The following DGKG variants were observed in gnomAD, a reference collection of about 807,000 sequenced individuals.
DGKG encodes the protein diacylglycerol kinase gamma.
Under a neutral mutation model 105.3 loss-of-function variants are expected in DGKG, and 78 were observed. The observed-to-expected ratio is 0.74, with a 90% CI of 0.62 to 0.89. DGKG has a LOEUF of 0.89. Ranked by LOEUF, DGKG falls within the 40% of genes least tolerant of loss-of-function variation. The pLI is 0.00. For synonymous variants in DGKG, 346 were observed against 367.1 expected, an observed-to-expected ratio of 0.94 and a Z score of 0.66; for missense variants, 958 against 1,020.1, an observed-to-expected ratio of 0.94 and a Z score of 0.83.
At chr3:186,328,556 T>C (rs1260882033) in intron 1 of DGKG, among the ~76,000 whole-genome samples, 2 of 150,586 alleles carry the variant, frequency 1.3e-5, no homozygotes, top group Non-Finnish European at 2.9e-5. Flanking sequence ...GAATTCACAG[T>C]GGAAAAGGCT....
chr3:186,300,765 T>C (rs1179919953), intron 3 of DGKG, among the ~76,000 whole-genome samples: 1 of 152,188 alleles, frequency 6.6e-6, no homozygotes, highest in African/African-American at 2.4e-5. Context: ...GAAAGTTTAG[T>C]TAAACAGTCT....
intron 20 of DGKG, among the ~76,000 whole-genome samples, chr3:186,212,974 A>G (rs1262214811): frequency 1.3e-5 from 2 of 152,146 alleles, no homozygotes; most frequent in Non-Finnish European, 2.9e-5. Flanking sequence ...TTTTTTCCTC[A>G]TGTTCCTTAG....
At chr3:186,356,165 T>G (rs1259158142) in intron 1 of DGKG, among the ~76,000 whole-genome samples, 1 of 152,212 alleles carries the variant, frequency 6.6e-6, no homozygotes, top group Admixed American at 6.5e-5. Flanking sequence ...ATTATTGAAT[T>G]AATATCTATG....
intron 21 of DGKG, among the ~76,000 whole-genome samples, chr3:186,189,408 C>T (rs983266545): frequency 6.6e-6 from 1 of 152,174 alleles, no homozygotes; most frequent in Admixed American, 6.5e-5. Flanking sequence ...GATCCTTGTT[C>T]CTCAGGATAG....
intron 20 of DGKG, among the ~76,000 whole-genome samples, chr3:186,242,260 C>T (rs560718387): frequency 2.0e-5 from 3 of 152,328 alleles, no homozygotes; most frequent in Non-Finnish European, 4.4e-5. Flanking sequence ...CCTTCATACC[C>T]ACCTCCTGCC....
chr3:186,296,655 C>A (rs6804820), intron 5 of DGKG, among the ~76,000 whole-genome samples: 39,805 of 152,098 alleles, frequency 0.26, 5,303 homozygotes, highest in South Asian at 0.33. Flanking sequence ...CAGGAACCAA[C>A]CACACCACCA....
chr3:186,218,622 T>G (rs1165099012), intron 20 of DGKG, among the ~76,000 whole-genome samples: 2 of 152,006 alleles, frequency 1.3e-5, no homozygotes, highest in Non-Finnish European at 1.5e-5. Flanking sequence ...GACTCACGTG[T>G]TCTACAACTG....
chr3:186,290,695 G>A (rs1243586029), intron 5 of DGKG, among the ~76,000 whole-genome samples: 1 of 152,246 alleles, frequency 6.6e-6, no homozygotes, highest in Admixed American at 6.5e-5. Flanking sequence ...TGGAGGTGAA[G>A]CTGGAATCTG....
chr3:186,150,890 A>G (rs1158560306), intron 24 of DGKG, among the ~76,000 whole-genome samples: 1 of 152,208 alleles, frequency 6.6e-6, no homozygotes, highest in Non-Finnish European at 1.5e-5. Flanking sequence ...CCTTATCCTC[A>G]GGTCATGGCT....
At chr3:186,209,862 A>G (rs1718944346) in intron 21 of DGKG, among the ~76,000 whole-genome samples, 1 of 152,168 alleles carries the variant, frequency 6.6e-6, no homozygotes, top group Admixed American at 6.5e-5. Flanking sequence ...GGCTGTCAGA[A>G]GCTGCCCATC....
At position 186,267,759 on chromosome 3, in the gene DGKG, A is replaced by G. The variant is rs1446494770; in HGVS notation, c.1135T>C (p.Leu379=). ...CRMTFHRKCE[L]STLCDGGELR... Reference sequence around the variant, plus strand: ...TCCCCACCGTCACACAACGTTGATAATTCACATTTGCGGTGAAACTGGGGG... The same window carrying G: ...TCCCCACCGTCACACAACGTTGATAGTTCACATTTGCGGTGAAACTGGGGG... The change falls in exon 13 of 25, where the codon TTA becomes CTA. Residue 379 remains leucine (L), a synonymous_variant. Coordinates refer to ENST00000265022, the MANE Select transcript of DGKG (RefSeq NM_001346.3). The G allele has an allele frequency of 6.2e-7, 1 of 1,613,980 alleles. No individual in the cohort carries two copies. The highest frequency in any genetic ancestry group is 2.2e-5 in the East Asian group (1 of 44,868).
intron 5 of DGKG, among the ~76,000 whole-genome samples, chr3:186,293,684 G>T (rs182265078): frequency 1.5e-3 from 223 of 152,318 alleles, no homozygotes; most frequent in Middle Eastern, 6.8e-3. Flanking sequence ...CTTGGAGACT[G>T]ATCTGATAGG....
chr3:186,319,811 T>C (rs1163715936), intron 2 of DGKG, among the ~76,000 whole-genome samples: 3 of 152,168 alleles, frequency 2.0e-5, no homozygotes, highest in African/African-American at 7.2e-5. Flanking sequence ...GCACAACTAA[T>C]GGGAAACCAA....
chr3:186,229,358 A>G (rs928361580), intron 20 of DGKG, among the ~76,000 whole-genome samples: 12 of 151,736 alleles, frequency 7.9e-5, no homozygotes, highest in Admixed American at 4.6e-4. Context: ...CGCATGCCTC[A>G]GCCTCCCAAG....
At chr3:186,282,003 T>C (rs1004013097) in intron 7 of DGKG, among the ~76,000 whole-genome samples, 1 of 152,228 alleles carries the variant, frequency 6.6e-6, no homozygotes, top group Non-Finnish European at 1.5e-5. Context: ...GCCTGCCTTA[T>C]GAGAACCAGT....
At chr3:186,290,364 G>A (rs944725376) in intron 5 of DGKG, among the ~76,000 whole-genome samples, 1 of 152,136 alleles carries the variant, frequency 6.6e-6, no homozygotes, top group African/African-American at 2.4e-5. Flanking sequence ...ACAGGCCTTT[G>A]TACTGTGTAG....
Position 186,215,501 on chromosome 3 carries a change from A to C in DGKG, c.1827-3616T>G, listed in dbSNP as rs139048864. Reference sequence around the variant, plus strand: ...GGGATGGGGTGATGGTAGTGACCTAATCAGACTTAGGTTTTTTAAAGATCA... The same window carrying C: ...GGGATGGGGTGATGGTAGTGACCTACTCAGACTTAGGTTTTTTAAAGATCA... On this transcript the variant is annotated intron_variant, in intron 20 of 24. Coordinates refer to ENST00000265022, the MANE Select transcript of DGKG (RefSeq NM_001346.3). Among the ~76,000 whole-genome samples the C allele has an allele frequency of 5.6e-4, 85 of 152,128 alleles. 1 individual carries two copies. In the East Asian group the frequency reaches 0.014, roughly 24 times the overall value.
chr3:186,230,187 G>A (rs543483060), intron 20 of DGKG, among the ~76,000 whole-genome samples: 1 of 152,308 alleles, frequency 6.6e-6, no homozygotes, highest in Non-Finnish European at 1.5e-5. Context: ...GAACCCAGGA[G>A]GTGGAGGCTG....
intron 24 of DGKG, chr3:186,158,975 A>C (rs916182817): frequency 3.4e-5 from 11 of 325,784 alleles, no homozygotes; most frequent in Non-Finnish European, 4.8e-5. Context: ...TATACCTGAT[A>C]AAGGATAAAA....
Sources: allele counts gnomAD v4.1 joint callset (sites outside exome capture counted in the v4.1 genomes callset), GRCh38; gene constraint gnomAD v4.1.1; transcripts MANE v1.5; gene names NCBI Gene and HGNC (gene_info 2026-07-23, HGNC 2026-07-21).